Variants in KLHL1 observed in about 807,000 individuals in gnomAD.
KLHL1 encodes the protein kelch-like protein 1.
A neutral mutation model predicts 77.7 loss-of-function variants in KLHL1; 47 were observed. The ratio of observed to expected loss-of-function variants is 0.60; its 90% CI spans 0.48 to 0.77. The LOEUF (loss-of-function observed/expected upper bound fraction) is 0.77. Ranked by LOEUF, KLHL1 falls within the 30% of genes least tolerant of loss-of-function variation. KLHL1 has a pLI of 0.00. For synonymous variants in KLHL1, 360 were observed against 325.2 expected, an observed-to-expected ratio of 1.11 and a Z score of -1.15; for missense variants, 925 against 910.8, an observed-to-expected ratio of 1.02 and a Z score of -0.20.
chr13:69,759,832 A>G (rs776775663), intron 7 of KLHL1, among the ~76,000 whole-genome samples: 1 of 152,196 alleles, frequency 6.6e-6, no homozygotes, highest in Non-Finnish European at 1.5e-5. Context: ...GAAAAAGACC[A>G]TAGGCAAAGG....
chr13:69,799,774 C>T (rs967898456), intron 6 of KLHL1, among the ~76,000 whole-genome samples: 2 of 152,124 alleles, frequency 1.3e-5, no homozygotes, highest in African/African-American at 2.4e-5. Context: ...CCTTTTCTAT[C>T]TTCTAGAACA....
chr13:69,996,798 G>A (rs1335329148), intron 1 of KLHL1, among the ~76,000 whole-genome samples: 1 of 151,622 alleles, frequency 6.6e-6, no homozygotes, highest in African/African-American at 2.4e-5. Context: ...TCAGAGGGTA[G>A]GAGATAAATC....
intron 7 of KLHL1, among the ~76,000 whole-genome samples, chr13:69,763,800 CAG>C (rs1875137202): frequency 1.3e-5 from 2 of 152,154 alleles, no homozygotes; most frequent in Admixed American, 6.5e-5. Flanking sequence ...TGGAGTCAAA[CAG>C]AAATGTTAAA....
chr13:69,723,840 A>AATTT (rs1555263303), intron 8 of KLHL1, among the ~76,000 whole-genome samples: 1 of 58,304 alleles, frequency 1.7e-5, no homozygotes, highest in African/African-American at 3.8e-5. Context: ...GCCAGTCAGA[A>AATTT]TTTTTTTTTT....
rs899320710 is a variant in KLHL1, at chr13:69,959,534, C to T, written c.817+1774G>A. Among the ~76,000 whole-genome samples, 6 of 149,050 alleles carry T rather than the reference C, an allele frequency of 4.0e-5. No individual in the cohort carries two copies. The East Asian group carries it at 8.2e-4, about 20-fold the overall frequency. On this transcript the variant is annotated intron_variant, in intron 3 of 10. Transcript: ENST00000377844. Reference sequence around the variant, plus strand: ...GAATTCTTCCTGACTCTATGCTCACCCCTCTTTTTTCAGACTACTCATTAA... The same window carrying T: ...GAATTCTTCCTGACTCTATGCTCACTCCTCTTTTTTCAGACTACTCATTAA...
intron 2 of KLHL1, 120 bp downstream of exon 2, chr13:69,975,500 A>C (rs945647899): frequency 5.5e-5 from 45 of 818,742 alleles, no homozygotes; most frequent in African/African-American, 2.0e-4. Flanking sequence ...ACAACAACAA[A>C]AAACTTAAAA....
intron 4 of KLHL1, among the ~76,000 whole-genome samples, chr13:69,901,640 A>C (rs1458060416): frequency 6.6e-6 from 1 of 152,222 alleles, no homozygotes; most frequent in Non-Finnish European, 1.5e-5. Context: ...AATAGTGATC[A>C]AATTTTTGAA....
chr13:70,087,082 G>C (rs1362616795), intron 1 of KLHL1, among the ~76,000 whole-genome samples: 1 of 152,104 alleles, frequency 6.6e-6, no homozygotes, highest in Non-Finnish European at 1.5e-5. Flanking sequence ...AGTCCAGTGA[G>C]AGTGGCTTGC....
chr13:70,107,274 C>G lies in KLHL1; in HGVS notation c.426G>C (p.Gly142=). The change falls in exon 1 of 11, where the codon GGG becomes GGC. Residue 142 remains glycine, a synonymous_variant. Coordinates refer to ENST00000377844, the MANE Select transcript of KLHL1 (RefSeq NM_020866.3). ...CCACTTTGAGCTCTTGCAGAACCAGCCCTTTTTCGTGTGGTCCAGGAAAGT... is the reference window on the plus strand; with the variant it reads ...CCACTTTGAGCTCTTGCAGAACCAGGCCTTTTTCGTGTGGTCCAGGAAAGT... ...GMDFPGPHEK[G]LVLQELKVEP... The G allele has an allele frequency of 6.2e-7, 1 of 1,614,130 alleles. No homozygotes were observed. The highest frequency in any genetic ancestry group is 1.1e-5 in the South Asian group (1 of 91,088).
At chr13:69,927,870 A>G (rs1882869130) in intron 4 of KLHL1, among the ~76,000 whole-genome samples, 1 of 152,216 alleles carries the variant, frequency 6.6e-6, no homozygotes, top group African/African-American at 2.4e-5. Flanking sequence ...TTGTATAACC[A>G]TATCACTCCC....
intron 6 of KLHL1, among the ~76,000 whole-genome samples, chr13:69,826,115 A>T (rs1004809312): frequency 6.6e-6 from 1 of 152,206 alleles, no homozygotes; most frequent in Non-Finnish European, 1.5e-5. Context: ...TAGGAGCTAA[A>T]AAAGTCAAAC....
intron 2 of KLHL1, among the ~76,000 whole-genome samples, chr13:69,964,345 CTTGT>C (rs1460920407): frequency 2.0e-5 from 3 of 152,124 alleles, no homozygotes; most frequent in Non-Finnish European, 4.4e-5. Context: ...CCCAGACCAT[CTTGT>C]TTGTTATAGA....
rs529558284 is a variant in KLHL1 at position 70,017,070 on chromosome 13, G to A, written c.498-41268C>T. 1.8e-4 allele frequency among the ~76,000 whole-genome samples: 27 copies of A among 152,212 alleles called. No individual in the cohort carries two copies. The East Asian group carries it at 3.1e-3, about 18-fold the overall frequency. On this transcript the variant is annotated intron_variant, in intron 1 of 10. Transcript: ENST00000377844. ...TCATTCTCCTGAGAACTGTTCTGCC[G>A]CTCAATGAAGCTCTTCTCCACTTTG...
chr13:69,883,525 C>A (rs17085591), intron 4 of KLHL1, among the ~76,000 whole-genome samples: 9,368 of 152,184 alleles, frequency 0.062, 378 homozygotes, highest in Middle Eastern at 0.099. Flanking sequence ...TGGGTGTATC[C>A]CTGCCACAGC....
rs113342336 is a variant in KLHL1, at chr13:69,983,468, C to T, written c.498-7666G>A. 6.9e-3 allele frequency among the ~76,000 whole-genome samples: 1,037 copies of T among 151,268 alleles called. 7 individuals carry two copies. Among genetic ancestry groups the T allele is most frequent in the Non-Finnish European group, 9.3e-3 (630 of 67,844 alleles). On this transcript the variant is annotated intron_variant, in intron 1 of 10. Coordinates refer to ENST00000377844, the MANE Select transcript of KLHL1 (RefSeq NM_020866.3). Reference sequence around the variant, plus strand: ...ACTTTAAAATATACTGTGCTCGGTGCGGTGGTTCCCACCTGTAGTCCTACC... The same window carrying T: ...ACTTTAAAATATACTGTGCTCGGTGTGGTGGTTCCCACCTGTAGTCCTACC...
At chr13:69,704,498 G>C (rs757062854) in intron 10 of KLHL1, among the ~76,000 whole-genome samples, 3 of 151,546 alleles carry the variant, frequency 2.0e-5, no homozygotes, top group Non-Finnish European at 4.4e-5. Flanking sequence ...TGTTCCTTAA[G>C]CCAAAGCACT....
chr13:69,814,582 G>T (rs1219890164), intron 6 of KLHL1, among the ~76,000 whole-genome samples: 3 of 152,032 alleles, frequency 2.0e-5, no homozygotes, highest in Non-Finnish European at 4.4e-5. Flanking sequence ...CAAAGGACAT[G>T]AACAGATACA....
chr13:69,778,103 CAGTT>C (rs1052253197), intron 7 of KLHL1, among the ~76,000 whole-genome samples: 4 of 151,864 alleles, frequency 2.6e-5, no homozygotes, highest in African/African-American at 7.2e-5. Context: ...GATAGTAAAA[CAGTT>C]AATTAAAGAG....
At chr13:69,827,153 A>C (rs1449683801) in intron 6 of KLHL1, among the ~76,000 whole-genome samples, 1 of 151,632 alleles carries the variant, frequency 6.6e-6, no homozygotes, top group Non-Finnish European at 1.5e-5. Flanking sequence ...TTTGAAAATA[A>C]GGTAAAATTA....
Sources: allele counts gnomAD v4.1 joint callset (sites outside exome capture counted in the v4.1 genomes callset), GRCh38; gene constraint gnomAD v4.1.1; transcripts MANE v1.5; gene names NCBI Gene and HGNC (gene_info 2026-07-23, HGNC 2026-07-21).